NRG3: variants seen among roughly 807,000 people sequenced by gnomAD.
The protein encoded by NRG3 is neuregulin 3.
A neutral mutation model predicts 66.9 loss-of-function variants in NRG3; 31 were observed. The ratio of observed to expected loss-of-function variants is 0.46; its 90% CI spans 0.35 to 0.63. The LOEUF is 0.63. Ranked by LOEUF, NRG3 falls within the 20% of genes least tolerant of loss-of-function variation. The pLI is 0.00. For synonymous variants in NRG3, 393 were observed against 359.4 expected (o/e 1.09, Z -1.06); for missense variants, 910 against 878.9 (o/e 1.04, Z -0.45).
At chr10:82,236,269 A>T (rs1183295221) in intron 1 of NRG3, among the ~76,000 whole-genome samples, 1 of 152,168 alleles carries the variant, frequency 6.6e-6, no homozygotes, top group Non-Finnish European at 1.5e-5. Context: ...GCACAACTGG[A>T]AGGAGCTGGC....
At position 81,876,245 on chromosome 10, in the gene NRG3, G is replaced by A. The variant is rs529063593; in HGVS notation, c.823+82G>A. The A allele has an allele frequency of 6.1e-6, 9 of 1,481,118 alleles. No homozygotes were observed. The Admixed American group carries it at 6.5e-5, about 11-fold the overall frequency. The allele number at this position is 1,481,118 out of a possible 1,614,324, so 91.7% of individuals were successfully genotyped here. ...CTGCTGTCTTTTTCCCTCGCCGCCT[G>A]TTTTCTAGCAAGCCCCCTCCCCCAT... On this transcript the variant is annotated intron_variant, in intron 1 of 8. Coordinates refer to ENST00000372141, the MANE Select transcript of NRG3 (RefSeq NM_001010848.4).
chr10:82,408,181 C>T (rs1021953158), intron 2 of NRG3, among the ~76,000 whole-genome samples: 6 of 150,776 alleles, frequency 4.0e-5, no homozygotes, highest in South Asian at 2.1e-4. Flanking sequence ...AAATGTACTT[C>T]GAAGGAAACT....
chr10:82,505,796 T>A (rs968252871), intron 2 of NRG3, among the ~76,000 whole-genome samples: 1 of 152,242 alleles, frequency 6.6e-6, no homozygotes, highest in Non-Finnish European at 1.5e-5. Flanking sequence ...CTGAAGGCAC[T>A]GAACATCTAG....
chr10:82,507,498 C>T (rs896170911), intron 2 of NRG3, among the ~76,000 whole-genome samples: 3 of 152,176 alleles, frequency 2.0e-5, no homozygotes, highest in Admixed American at 2.0e-4. Context: ...AAACCTATAT[C>T]CAGTCCACTA....
chr10:82,270,092 G>T (rs1442876029), intron 1 of NRG3, among the ~76,000 whole-genome samples: 1 of 152,174 alleles, frequency 6.6e-6, no homozygotes, highest in Non-Finnish European at 1.5e-5. Flanking sequence ...AAAACTGTTA[G>T]CTATAATTGC....
intron 3 of NRG3, among the ~76,000 whole-genome samples, chr10:82,764,428 G>C (rs2059440751): frequency 6.7e-6 from 1 of 149,238 alleles, no homozygotes; most frequent in Non-Finnish European, 1.5e-5. Flanking sequence ...CCTAAGTGCA[G>C]TGGTGCAATC....
intron 2 of NRG3, among the ~76,000 whole-genome samples, chr10:82,417,461 G>A (rs1160818225): frequency 6.6e-6 from 1 of 152,178 alleles, no homozygotes; most frequent in East Asian, 1.9e-4. Context: ...GTTTCCTTGG[G>A]TAATGGTAGG....
At chr10:82,482,830 A>G (rs1271873248) in intron 2 of NRG3, among the ~76,000 whole-genome samples, 2 of 152,158 alleles carry the variant, frequency 1.3e-5, no homozygotes, top group Non-Finnish European at 2.9e-5. Flanking sequence ...TGAGTAGGAG[A>G]TTGTGGTTGA....
At chr10:82,481,359 C>T (rs1355073401) in intron 2 of NRG3, among the ~76,000 whole-genome samples, 2 of 152,122 alleles carry the variant, frequency 1.3e-5, no homozygotes, top group East Asian at 1.9e-4. Context: ...TAAAGTGCAG[C>T]GTGTCTGATC....
At chr10:82,249,460 G>A (rs2077388793) in intron 1 of NRG3, among the ~76,000 whole-genome samples, 1 of 152,152 alleles carries the variant, frequency 6.6e-6, no homozygotes, top group Non-Finnish European at 1.5e-5. Flanking sequence ...GGATTTAGAT[G>A]TTGTTTATAC....
intron 4 of NRG3, among the ~76,000 whole-genome samples, chr10:82,900,963 T>A (rs775998280): frequency 5.9e-5 from 9 of 152,108 alleles, no homozygotes; most frequent in Non-Finnish European, 1.3e-4. Context: ...GATCTAAAAT[T>A]CAGAGAGCTC....
At chr10:82,727,275 A>G (rs2057652036) in intron 2 of NRG3, among the ~76,000 whole-genome samples, 1 of 152,198 alleles carries the variant, frequency 6.6e-6, no homozygotes, top group African/African-American at 2.4e-5. Context: ...TCTCCAAGGT[A>G]TGTCGGAGAT....
chr10:82,023,145 G>C (rs1301038512), intron 1 of NRG3, among the ~76,000 whole-genome samples: 5 of 151,214 alleles, frequency 3.3e-5, no homozygotes, highest in African/African-American at 1.2e-4. Flanking sequence ...TTGCTCTCTT[G>C]ATTTCTTTTA....
chr10:82,725,495 C>T (rs2057544662), intron 2 of NRG3, among the ~76,000 whole-genome samples: 1 of 152,136 alleles, frequency 6.6e-6, no homozygotes, highest in African/African-American at 2.4e-5. Context: ...ATCCTTAAAA[C>T]AAGAGATAGC....
intron 1 of NRG3, among the ~76,000 whole-genome samples, chr10:82,144,265 T>G (rs969750568): frequency 6.6e-6 from 1 of 152,206 alleles, no homozygotes; most frequent in Non-Finnish European, 1.5e-5. Context: ...AGCATTCATC[T>G]GTTCCACATC....
chr10:82,456,637 G>T (rs2091280561), intron 2 of NRG3, among the ~76,000 whole-genome samples: 1 of 152,078 alleles, frequency 6.6e-6, no homozygotes, highest in African/African-American at 2.4e-5. Context: ...TATGGTGCAT[G>T]ACTGTAATTT....
At position 81,883,653 on chromosome 10, in the gene NRG3, G is replaced by A. The variant is rs115860338; in HGVS notation, c.823+7490G>A. Among the ~76,000 whole-genome samples the A allele has an allele frequency of 4.8e-3, 730 of 152,282 alleles. 9 individuals are homozygous for A. The highest frequency in any genetic ancestry group is 0.017 in the African/African-American group (697 of 41,574). ...TGTTACAGCCAGGGTTATGGGAATAGAATTTTTATGCTAAACGTTTGATAA... is the reference window on the plus strand; with the variant it reads ...TGTTACAGCCAGGGTTATGGGAATAAAATTTTTATGCTAAACGTTTGATAA... On this transcript the variant is annotated intron_variant, in intron 1 of 8. Coordinates refer to ENST00000372141, the MANE Select transcript of NRG3 (RefSeq NM_001010848.4).
At chr10:82,411,851 A>C (rs1476649449) in intron 2 of NRG3, among the ~76,000 whole-genome samples, 1 of 152,164 alleles carries the variant, frequency 6.6e-6, no homozygotes, top group Non-Finnish European at 1.5e-5. Flanking sequence ...CTTAGGTTTT[A>C]GGTAACAGAG....
At chr10:82,404,034 A>G (rs889031227) in intron 2 of NRG3, among the ~76,000 whole-genome samples, 1 of 151,852 alleles carries the variant, frequency 6.6e-6, no homozygotes, top group Middle Eastern at 3.2e-3. Flanking sequence ...AGATATTGGA[A>G]TTATACTAAC....
Sources: gnomAD v4.1 joint callset for allele counts (sites outside exome capture counted in the v4.1 genomes callset) on GRCh38, gnomAD v4.1.1 for gene constraint, MANE v1.5 for transcripts, NCBI Gene and HGNC (gene_info 2026-07-23, HGNC 2026-07-21) for gene names.